The following CTNNA2 variants were observed in gnomAD, a reference collection of about 807,000 sequenced individuals.
The protein encoded by CTNNA2 is catenin alpha-2.
Under a neutral mutation model 101.0 loss-of-function variants are expected in CTNNA2, and 42 were observed. The observed-to-expected ratio is 0.42, with a 90% confidence interval of 0.32 to 0.54. The LOEUF is 0.54. Ranked by LOEUF, CTNNA2 falls within the 20% of genes least tolerant of loss-of-function variation. The pLI is 0.14. For synonymous variants in CTNNA2, 450 were observed against 456.4 expected (o/e 0.99, Z 0.18); for missense variants, 871 against 1,223.1 (o/e 0.71, Z 4.29).
chr2:79,878,124 C>T (rs147537610), intron 6 of CTNNA2, among the ~76,000 whole-genome samples: 4,513 of 152,220 alleles, frequency 0.03, 149 homozygotes, highest in East Asian at 0.18. Context: ...GCTTCATCCA[C>T]GTCCCTGCAA....
intron 2 of CTNNA2, among the ~76,000 whole-genome samples, chr2:79,720,480 G>A (rs1686409608): frequency 6.6e-6 from 1 of 151,998 alleles, no homozygotes; most frequent in Admixed American, 6.6e-5. Context: ...ATTGCTTTAG[G>A]CACTATGGTC....
intron 8 of CTNNA2, among the ~76,000 whole-genome samples, chr2:80,403,513 C>T (rs147342477): frequency 5.9e-5 from 9 of 152,224 alleles, no homozygotes; most frequent in South Asian, 4.1e-4. Context: ...TATGGCATTC[C>T]GAAGTACTTT....
intron 2 of CTNNA2, among the ~76,000 whole-genome samples, chr2:79,309,228 G>A (rs13397704): frequency 0.18 from 27,312 of 151,816 alleles, 2,866 homozygotes; most frequent in African/African-American, 0.29. Flanking sequence ...ATCATATTGT[G>A]TGATTCCACC....
intron 7 of CTNNA2, among the ~76,000 whole-genome samples, chr2:80,264,120 C>A (rs1672823571): frequency 6.6e-6 from 1 of 152,108 alleles, no homozygotes; most frequent in African/African-American, 2.4e-5. Flanking sequence ...CAATGAGAAT[C>A]CCCTTTAGAA....
At chr2:80,502,823 C>A (rs923501158) in intron 9 of CTNNA2, among the ~76,000 whole-genome samples, 2 of 152,126 alleles carry the variant, frequency 1.3e-5, no homozygotes, top group East Asian at 3.9e-4. Flanking sequence ...GGGGTGAGAA[C>A]CTTCTTCCCG....
intron 14 of CTNNA2, among the ~76,000 whole-genome samples, chr2:80,587,368 G>T (rs541415258): frequency 6.6e-6 from 1 of 151,986 alleles, no homozygotes. Context: ...GAGCCAGAGG[G>T]GTAGTTGGAA....
At chr2:79,860,003 G>C (rs1321079514) in intron 4 of CTNNA2, among the ~76,000 whole-genome samples, 1 of 152,118 alleles carries the variant, frequency 6.6e-6, no homozygotes, top group East Asian at 1.9e-4. Flanking sequence ...AGTGGCAGCT[G>C]AATAGGGAGT....
intron 1 of CTNNA2, among the ~76,000 whole-genome samples, chr2:79,592,025 T>G (rs1676889570): frequency 6.6e-6 from 1 of 151,846 alleles, no homozygotes; most frequent in Non-Finnish European, 1.5e-5. Flanking sequence ...GATTAAAAAA[T>G]TCAATCATTT....
intron 6 of CTNNA2, among the ~76,000 whole-genome samples, chr2:79,887,623 G>A (rs529287182): frequency 3.6e-4 from 54 of 151,848 alleles, no homozygotes; most frequent in Non-Finnish European, 5.9e-4. Context: ...AGGTTAATCT[G>A]TTTGTGCTTA....
intron 3 of CTNNA2, among the ~76,000 whole-genome samples, chr2:79,850,342 T>C (rs1314734756): frequency 2.8e-5 from 3 of 107,214 alleles, no homozygotes; most frequent in African/African-American, 3.6e-5. Context: ...TCCCTCCCTC[T>C]CTCCCTTCCT....
chr2:79,954,636 C>T (rs1173629203), intron 7 of CTNNA2, among the ~76,000 whole-genome samples: 1 of 152,148 alleles, frequency 6.6e-6, no homozygotes, highest in Non-Finnish European at 1.5e-5. Context: ...AAGGTTCAAG[C>T]AGCAATACAA....
At chr2:80,202,876 G>C (rs2149019907) in intron 7 of CTNNA2, among the ~76,000 whole-genome samples, 1 of 152,220 alleles carries the variant, frequency 6.6e-6, no homozygotes, top group East Asian at 1.9e-4. Context: ...ACCCAAGACT[G>C]GGCAATTTAC....
chr2:79,280,286 A>G (rs1004347906), intron 2 of CTNNA2, among the ~76,000 whole-genome samples: 1 of 151,932 alleles, frequency 6.6e-6, no homozygotes, highest in African/African-American at 2.4e-5. Flanking sequence ...CCTGGACTCT[A>G]TTTTTATCTT....
intron 7 of CTNNA2, among the ~76,000 whole-genome samples, chr2:79,985,234 GC>G (rs888831639): frequency 1.0e-3 from 159 of 152,226 alleles, no homozygotes; most frequent in Middle Eastern, 0.01. Flanking sequence ...ATACAGTGCT[GC>G]ACACTCCATG....
intron 7 of CTNNA2, among the ~76,000 whole-genome samples, chr2:80,207,700 G>A (rs1707616568): frequency 6.6e-6 from 1 of 152,148 alleles, no homozygotes; most frequent in South Asian, 2.1e-4. Flanking sequence ...TTATATAAGT[G>A]TTTGGAGTGT....
intron 4 of CTNNA2, among the ~76,000 whole-genome samples, chr2:79,437,463 C>G (rs1348611265): frequency 1.3e-5 from 2 of 151,890 alleles, no homozygotes; most frequent in African/African-American, 2.4e-5. Context: ...TAGCAAGGAT[C>G]AGGAAAGCCA....
At chr2:79,503,862 G>A (rs1366315926) in intron 4 of CTNNA2, among the ~76,000 whole-genome samples, 1 of 152,164 alleles carries the variant, frequency 6.6e-6, no homozygotes, top group Admixed American at 6.5e-5. Context: ...TGAACCAACA[G>A]AAAAATAAGG....
At chr2:79,830,920 A>G (rs1315686701) in intron 3 of CTNNA2, among the ~76,000 whole-genome samples, 4 of 152,206 alleles carry the variant, frequency 2.6e-5, no homozygotes, top group African/African-American at 9.7e-5. Flanking sequence ...TAGGACGTGT[A>G]TATTATGAAA....
chr2:79,425,996 G>A (rs767539093), intron 4 of CTNNA2, among the ~76,000 whole-genome samples: 6 of 152,030 alleles, frequency 3.9e-5, no homozygotes, highest in African/African-American at 1.2e-4. Context: ...TTTGTGGACC[G>A]GCTGTAAGTT....
Sources: gnomAD v4.1 joint callset for allele counts (sites outside exome capture counted in the v4.1 genomes callset) on GRCh38, gnomAD v4.1.1 for gene constraint, MANE v1.5 for transcripts, NCBI Gene and HGNC (gene_info 2026-07-23, HGNC 2026-07-21) for gene names.